The following UGT1A7 variants were observed in gnomAD, a reference collection of about 807,000 sequenced individuals.
The protein encoded by UGT1A7 is UDP-glucuronosyltransferase 1A7.
UGT1A7 carries 33 observed loss-of-function variants against 45.6 expected under a neutral mutation model. The observed-to-expected ratio is 0.72, with a 90% CI of 0.55 to 0.97. The LOEUF (loss-of-function observed/expected upper bound fraction) is 0.97, where lower values mean the gene tolerates loss of function less well. UGT1A7 is among the 50% of genes least tolerant of loss of function. The pLI is 0.00. For missense variants in UGT1A7, 684 were observed against 666.2 expected (o/e 1.03, Z -0.29); for synonymous variants, 274 against 250.6 (o/e 1.09, Z -0.88).
chr2:233,699,909 T>C (rs1178305639), intron 1 of UGT1A7, among the ~76,000 whole-genome samples: 3 of 152,182 alleles, frequency 2.0e-5, no homozygotes, highest in Non-Finnish European at 4.4e-5. Flanking sequence ...GTCAGTAGGA[T>C]ATACGTAGAG....
At chr2:233,694,242 C>T (rs2075207080) in intron 1 of UGT1A7, among the ~76,000 whole-genome samples, 2 of 151,944 alleles carry the variant, frequency 1.3e-5, no homozygotes, top group Non-Finnish European at 2.9e-5. Context: ...GTCTCTGGAC[C>T]TTGAGCCAGG....
chr2:233,742,567 C>T (rs1045281711), intron 1 of UGT1A7, among the ~76,000 whole-genome samples: 3 of 151,796 alleles, frequency 2.0e-5, no homozygotes, highest in East Asian at 1.9e-4. Flanking sequence ...AGCTTCTGGC[C>T]GGAATTGGGG....
At chr2:233,747,217 G>T in intron 1 of UGT1A7, 3 of 1,605,392 alleles carry the variant, frequency 1.9e-6, no homozygotes, top group Non-Finnish European at 1.7e-6. Flanking sequence ...TGCTGAGATG[G>T]CCACAGGACC....
chr2:233,716,357 T>C (rs1330128112), intron 1 of UGT1A7, among the ~76,000 whole-genome samples: 1 of 152,220 alleles, frequency 6.6e-6, no homozygotes, highest in Non-Finnish European at 1.5e-5. Context: ...ATGTAGATAC[T>C]TTGTGGGGCT....
At chr2:233,696,906 G>A (rs1231812391) in intron 1 of UGT1A7, among the ~76,000 whole-genome samples, 2 of 152,082 alleles carry the variant, frequency 1.3e-5, no homozygotes, top group African/African-American at 2.4e-5. Flanking sequence ...TTCTGTCAAT[G>A]TATTCATATC....
At chr2:233,700,807 G>T (rs934184744) in intron 1 of UGT1A7, among the ~76,000 whole-genome samples, 3 of 151,808 alleles carry the variant, frequency 2.0e-5, no homozygotes, top group East Asian at 3.9e-4. Flanking sequence ...GTGCCATGTT[G>T]GTGTGCTGCA....
chr2:233,772,426 A>C lies in UGT1A7; in HGVS notation c.1460A>C (p.Asp487Ala), dbSNP rs1300515739. The C allele has an allele frequency of 1.2e-5, 20 of 1,614,062 alleles. No individual in the cohort carries two copies. Among genetic ancestry groups the C allele is most frequent in the Non-Finnish European group, 1.7e-5 (20 of 1,180,044 alleles). Reference sequence around the variant, plus strand: ...ACCTGGTACCAGTACCATTCCTTGGACGTGATTGGTTTCCTCTTGGCCGTC... The same window carrying C: ...ACCTGGTACCAGTACCATTCCTTGGCCGTGATTGGTTTCCTCTTGGCCGTC... Reference protein sequence around the residue: ...DLTWYQYHSLDVIGFLLAVVL... With the variant: ...DLTWYQYHSLAVIGFLLAVVL... Residue 487 changes from aspartate (D) to alanine (A), a missense_variant, in exon 5 of 5, where the codon GAC becomes GCC. Coordinates refer to ENST00000373426, the MANE Select transcript of UGT1A7 (RefSeq NM_019077.3).
In UGT1A7 at chr2:233,772,306, G is replaced by A. The variant is rs200370335; in HGVS notation, c.1340G>A (p.Arg447His). The change falls in exon 5 of 5, where the codon CGC (arginine) becomes CAC (histidine). Residue 447 changes from arginine (R) to histidine (H), a missense_variant. By Grantham distance (29) the Arg-to-His change is conservative. Coordinates refer to ENST00000373426, the MANE Select transcript of UGT1A7 (RefSeq NM_019077.3). ...CGCCTCTCCAGCCTTCACAAGGACC[G>A]CCCGGTGGAGCCGCTGGACCTGGCC... ...IMRLSSLHKD[R>H]PVEPLDLAVF... 2.7e-5 allele frequency: 44 copies of A among 1,614,208 alleles called. No individual in the cohort carries two copies. Among genetic ancestry groups the A allele is most frequent in the Middle Eastern group, 3.3e-4 (2 of 6,062 alleles).
At chr2:233,709,397 A>ATG (rs1316902084) in intron 1 of UGT1A7, among the ~76,000 whole-genome samples, 2 of 152,196 alleles carry the variant, frequency 1.3e-5, no homozygotes, top group Non-Finnish European at 2.9e-5. Context: ...TTAATAATCT[A>ATG]TGGGTGAACA....
In UGT1A7 at chr2:233,769,448, C is replaced by T. The variant is rs934555154; in HGVS notation, c.1295+1009C>T. The T allele has an allele frequency of 7.2e-5, 114 of 1,590,160 alleles. No individual in the cohort carries two copies. The East Asian group carries it at 1.2e-3, about 16-fold the overall frequency. ...GGCTGTGCTCATGTGTGGGTGCACA[C>T]GTGTGCATTCATATGCGTGTGTGTG... On this transcript the variant is annotated intron_variant, in intron 4 of 4. Coordinates refer to ENST00000373426, the MANE Select transcript of UGT1A7 (RefSeq NM_019077.3). The surrounding 1 kb of genome is among the most constrained non-coding windows in gnomAD (Gnocchi z 4.4).
At chr2:233,736,657 T>G (rs571352922) in intron 1 of UGT1A7, among the ~76,000 whole-genome samples, 1 of 152,376 alleles carries the variant, frequency 6.6e-6, no homozygotes, top group African/African-American at 2.4e-5. Context: ...TGTGGTTTTA[T>G]GTACCTTAGG....
chr2:233,721,911 G>GGAA, intron 1 of UGT1A7: 1 of 435,688 alleles, frequency 2.3e-6, no homozygotes, highest in Non-Finnish European at 4.6e-6. Flanking sequence ...GGTGCACACT[G>GGAA]CTTCCATAAA....
At position 233,760,448 on chromosome 2, in the gene UGT1A7, G is replaced by T. The variant is rs770426284; in HGVS notation, c.856-6586G>T. On this transcript the variant is annotated intron_variant, in intron 1 of 4. Coordinates refer to ENST00000373426, the MANE Select transcript of UGT1A7 (RefSeq NM_019077.3). ...GCCATCCAGCAGCTGCAGCAGAGGGGACATGAAATAGTTGTCCTAGCACCT... is the reference window on the plus strand; with the variant it reads ...GCCATCCAGCAGCTGCAGCAGAGGGTACATGAAATAGTTGTCCTAGCACCT... The T allele has an allele frequency of 1.2e-5, 19 of 1,614,238 alleles. No individual in the cohort carries two copies. In the Middle Eastern group the frequency reaches 1.3e-3, roughly 112 times the overall value.
At chr2:233,694,411 A>G (rs193114537) in intron 1 of UGT1A7, among the ~76,000 whole-genome samples, 1 of 152,274 alleles carries the variant, frequency 6.6e-6, no homozygotes, top group Admixed American at 6.5e-5. Context: ...GTGCCACAGA[A>G]GTATTTGGTC....
At chr2:233,761,005 A>G (rs1292729265) in intron 1 of UGT1A7, 1 of 1,614,128 alleles carries the variant, frequency 6.2e-7, no homozygotes, top group South Asian at 1.1e-5. Context: ...ATTCCTTCAG[A>G]GAGAGGTGAC....
At chr2:233,747,480 G>T in intron 1 of UGT1A7, 2 of 1,608,986 alleles carry the variant, frequency 1.2e-6, no homozygotes, top group Non-Finnish European at 1.7e-6. Context: ...GGATGAATTT[G>T]ATCGCCTTGT....
intron 1 of UGT1A7, among the ~76,000 whole-genome samples, chr2:233,762,430 C>G (rs796065862): frequency 1.7e-4 from 26 of 152,296 alleles, no homozygotes; most frequent in African/African-American, 6.3e-4. Context: ...AATAGAGTAA[C>G]AGTGTATTCC....
rs2076670148 is a variant in UGT1A7, at chr2:233,718,644, C to T, written c.855+35852C>T. ...GATTGGTCTTTCCCAGGGTTGGGCC[C>T]ATAACGAAAGGCAGTTATAGATTAA... On this transcript the variant is annotated intron_variant, in intron 1 of 4. Transcript: ENST00000373426. The T allele has an allele frequency of 2.6e-5, 39 of 1,488,962 alleles. No individual in the cohort carries two copies. The South Asian group carries it at 4.9e-4, about 19-fold the overall frequency. 92.2% of individuals were successfully genotyped at this position (1,488,962 alleles called of 1,614,324 possible). A position where few individuals can be genotyped will look rare whatever the true frequency, so the allele number is the denominator to read the frequency against.
chr2:233,751,725 C>G (rs1174648123), intron 1 of UGT1A7, among the ~76,000 whole-genome samples: 1 of 152,184 alleles, frequency 6.6e-6, no homozygotes, highest in African/African-American at 2.4e-5. Context: ...CAAGTGAACT[C>G]TTCCTCTCTG....
Sources: gnomAD v4.1 joint callset for allele counts (sites outside exome capture counted in the v4.1 genomes callset) on GRCh38, gnomAD v4.1.1 for gene constraint, Gnocchi (gnomAD v3.1) non-coding constraint, MANE v1.5 for transcripts, NCBI Gene and HGNC (gene_info 2026-07-23, HGNC 2026-07-21) for gene names.